The following ROBO3 variants were observed in gnomAD, a reference collection of about 807,000 sequenced individuals.
The protein encoded by ROBO3 is roundabout homolog 3.
ROBO3 carries 97 observed loss-of-function variants against 160.5 expected under a neutral mutation model. The ratio of observed to expected loss-of-function variants is 0.60; its 90% CI spans 0.51 to 0.72. The LOEUF is 0.72. ROBO3 is among the 30% of genes least tolerant of loss of function. ROBO3 has a pLI of 0.00. For missense variants in ROBO3, 1,858 were observed against 1,846.5 expected, an observed-to-expected ratio of 1.01 and a Z score of -0.11; for synonymous variants, 780 against 746.2, an observed-to-expected ratio of 1.05 and a Z score of -0.74.
intron 12 of ROBO3, among the ~76,000 whole-genome samples, chr11:124,874,522 G>T (rs558494512): frequency 1.3e-5 from 2 of 152,276 alleles, no homozygotes; most frequent in South Asian, 4.1e-4. Context: ...TAATAATATA[G>T]ATTATTAAGA....
rs555231962 is a variant in ROBO3 at position 124,876,043 on chromosome 11, C to G, written c.2511C>G (p.Pro837=). ...CCGCAATGCTCCGAGGACTGGTGCC[C>G]GGTCTCCTCTATCGAACCCTGGTCG... ...ARSAMLRGLV[P]GLLYRTLVAA... is the part of the protein sequence containing the mutation. Residue 837 remains proline, a synonymous_variant, in exon 16 of 28, where the codon CCC becomes CCG. Transcript: ENST00000397801. The surrounding 1 kb of genome is among the most constrained non-coding windows in gnomAD (Gnocchi z 5.3). 137 of 1,607,956 alleles carry G rather than the reference C, an allele frequency of 8.5e-5. No homozygotes were observed. In the South Asian group the frequency reaches 1.2e-3, roughly 14 times the overall value.
In ROBO3 at chr11:124,876,411, C is replaced by G; in HGVS notation, c.2730C>G (p.Ala910=). 6.9e-7 allele frequency: 1 copy of G among 1,451,132 alleles called. No homozygotes were observed. The highest frequency in any genetic ancestry group is 9.0e-7 in the Non-Finnish European group (1 of 1,108,228). 89.9% of individuals were successfully genotyped at this position (1,451,132 alleles called of 1,614,324 possible). A position where few individuals can be genotyped will look rare whatever the true frequency, so the allele number is the denominator to read the frequency against. ...ACGALLLGLC[A]ALYWRRKQRK... is the part of the protein sequence containing the mutation. ...GGGCGCTGCTTCTCGGGCTCTGCGC[C>G]GCCCTCTACTGGCGCCGGAAACAGC... The change falls in exon 17 of 28, where the codon GCC becomes GCG. Residue 910 remains alanine, a synonymous_variant. Coordinates refer to ENST00000397801, the MANE Select transcript of ROBO3 (RefSeq NM_022370.4). The surrounding 1 kb of genome is among the most constrained non-coding windows in gnomAD (Gnocchi z 5.3).
At position 124,869,288 on chromosome 11, in the gene ROBO3, A is replaced by G. The variant is rs147546558; in HGVS notation, c.487+160A>G. ...GATCTCTAATGGCCACACCACGGCC[A>G]GAGAAGGAAGTGGATCTGACTCCAG... On this transcript the variant is annotated intron_variant, in intron 2 of 27. Transcript: ENST00000397801. The surrounding 1 kb of genome is among the most constrained non-coding windows in gnomAD (Gnocchi z 4.2). Among the ~76,000 whole-genome samples the G allele has an allele frequency of 6.7e-3, 1,024 of 152,344 alleles. 7 individuals are homozygous for G. Among genetic ancestry groups the G allele is most frequent in the African/African-American group, 0.021 (880 of 41,580 alleles).
chr11:124,878,766 C>A lies in ROBO3; in HGVS notation c.3503C>A (p.Thr1168Asn), dbSNP rs775344429. ...PSPPDPPQPP[T>N]DMPHLHQMPR... ...CCTCCTGACCCTCCCCAGCCCCCAA[C>A]TGACATGCCCCATCTCCATCAGATG... Residue 1168 changes from threonine to asparagine, a missense_variant, in exon 23 of 28, where the codon ACT becomes AAT. Transcript: ENST00000397801. The surrounding 1 kb of genome is among the most constrained non-coding windows in gnomAD (Gnocchi z 4.3). 1.2e-6 allele frequency: 2 copies of A among 1,613,618 alleles called. No individual in the cohort carries two copies. Among genetic ancestry groups the A allele is most frequent in the Non-Finnish European group, 1.7e-6 (2 of 1,179,838 alleles).
At chr11:124,875,733 A>G (rs373408563) in intron 15 of ROBO3, 48 bp downstream of exon 15, 8 of 1,563,730 alleles carry the variant, frequency 5.1e-6, no homozygotes, top group East Asian at 2.3e-5. Flanking sequence ...GCCGGGAGGG[A>G]GAGGGAGGAC....
chr11:124,866,208 G>T (rs563412837), intron 1 of ROBO3, among the ~76,000 whole-genome samples: 1 of 152,324 alleles, frequency 6.6e-6, no homozygotes, highest in Non-Finnish European at 1.5e-5. Context: ...CAAAATGCTG[G>T]ATGTGTTTGC....
rs904373668 is a variant in ROBO3, at chr11:124,871,473, T to G, written c.1158+335T>G. ...TCTCCTCCTTTAGACCCCTTGGGCT[T>G]TGGCTTTGGACATAACACACTGCTC... On this transcript the variant is annotated intron_variant, in intron 7 of 27. Coordinates refer to ENST00000397801, the MANE Select transcript of ROBO3 (RefSeq NM_022370.4). 2.0e-5 allele frequency among the ~76,000 whole-genome samples: 3 copies of G among 152,174 alleles called. No homozygotes were observed. In the East Asian group the frequency reaches 5.8e-4, roughly 29 times the overall value.
Position 124,874,178 on chromosome 11 carries a change from A to G in ROBO3, c.1893A>G (p.Ala631=). The G allele has an allele frequency of 1.2e-6, 2 of 1,613,964 alleles. No homozygotes were observed. Among genetic ancestry groups the G allele is most frequent in the Middle Eastern group, 3.3e-4 (2 of 6,062 alleles). ...PNTIYLFLVR[A]VGAWGLSEPS... ...CCATCTACCTGTTTCTGGTTCGAGC[A>G]GTGGGAGCCTGGGGCCTCAGTGAGC... Residue 631 remains alanine (A), a synonymous_variant, in exon 12 of 28, where the codon GCA becomes GCG. Coordinates refer to ENST00000397801, the MANE Select transcript of ROBO3 (RefSeq NM_022370.4).
intron 4 of ROBO3, 23 bp from the exon 5 acceptor site, chr11:124,870,142 G>C: frequency 6.2e-7 from 1 of 1,614,038 alleles, no homozygotes; most frequent in Non-Finnish European, 8.5e-7. Context: ...CACCCTGACT[G>C]TTCACTCACT....
chr11:124,881,118 T>C, intron 27 of ROBO3, 121 bp from the exon 28 acceptor site: 1 of 907,492 alleles, frequency 1.1e-6, no homozygotes, highest in Middle Eastern at 2.4e-4. Context: ...TGACACATAA[T>C]AGAGGAGCCT....
Position 124,869,180 on chromosome 11 carries a change from G to T in ROBO3, c.487+52G>T. On this transcript the variant is annotated intron_variant, in intron 2 of 27. Coordinates refer to ENST00000397801, the MANE Select transcript of ROBO3 (RefSeq NM_022370.4). This position sits in a 1 kb window ranked among gnomAD's most constrained non-coding sequence, Gnocchi z 4.2. ...TTGCTTCCAGAGCCTGGGGTAGGCG[G>T]GAGGGCACTGGGCAATCAGACCCAG... is the stretch of plus-strand genomic sequence containing the variant. The T allele has an allele frequency of 6.8e-7, 1 of 1,479,296 alleles. No individual in the cohort carries two copies. The highest frequency in any genetic ancestry group is 1.4e-5 in the South Asian group (1 of 73,416). The allele number at this position is 1,479,296 out of a possible 1,614,324, so 91.6% of individuals were successfully genotyped here. A position where few individuals can be genotyped will look rare whatever the true frequency, so the allele number is the denominator to read the frequency against.
chr11:124,879,049 T>C, intron 23 of ROBO3, 141 bp from the exon 24 acceptor site: 1 of 1,013,872 alleles, frequency 9.9e-7, no homozygotes, highest in Non-Finnish European at 1.4e-6. Flanking sequence ...TCCTTATGCT[T>C]CTCTAGCTTG....
chr11:124,866,337 G>C (rs1031292603), intron 1 of ROBO3, among the ~76,000 whole-genome samples: 5 of 152,208 alleles, frequency 3.3e-5, no homozygotes, highest in African/African-American at 9.6e-5. Flanking sequence ...AGCTGGCGGC[G>C]AGGTCGTTAC....
In ROBO3 at chr11:124,872,031, C is replaced by T. The variant is rs914717735; in HGVS notation, c.1159-350C>T. ...AGCAGGAAGAAGAGGAATGTGTTTA[C>T]CACAACGTGTTAGAAGACTTTCATA... is the stretch of plus-strand genomic sequence containing the variant. On this transcript the variant is annotated intron_variant, in intron 7 of 27. Coordinates refer to ENST00000397801, the MANE Select transcript of ROBO3 (RefSeq NM_022370.4). This position sits in a 1 kb window ranked among gnomAD's most constrained non-coding sequence, Gnocchi z 4.3. Among the ~76,000 whole-genome samples the T allele has an allele frequency of 6.6e-6, 1 of 152,122 alleles. No homozygotes were observed. Among genetic ancestry groups the T allele is most frequent in the Non-Finnish European group, 1.5e-5 (1 of 68,036 alleles).
At chr11:124,875,474 T>TTAA in intron 14 of ROBO3, 90 bp from the exon 15 acceptor site, 1 of 1,585,566 alleles carries the variant, frequency 6.3e-7, no homozygotes, top group African/African-American at 1.4e-5. Context: ...TTCCCTAAGA[T>TTAA]GTTAGAACAG....
In ROBO3 at chr11:124,880,553, GGAGTCGGAGTCAGAGCCGGAGCCA is replaced by G. The variant is rs1657781869; in HGVS notation, c.4098_4121del (p.Arg1367_Ser1374del). On this transcript the variant is annotated inframe_deletion, in exon 27 of 28. Transcript: ENST00000397801. Reference sequence around the variant, plus strand: ...GGCTCCCGGGGCCCTGGCCGGAGCCGGAGTCGGAGTCAGAGCCGGAGCCAGAGCCAAAGGCCAGGACAGAAACGC... The same window carrying G: ...GGCTCCCGGGGCCCTGGCCGGAGCCGGAGCCAAAGGCCAGGACAGAAACGC... 1 of 800,562 alleles carries G rather than the reference GGAGTCGGAGTCAGAGCCGGAGCCA, an allele frequency of 1.2e-6. No homozygotes were observed. The highest frequency in any genetic ancestry group is 1.6e-6 in the Non-Finnish European group (1 of 636,342). The allele number at this position is 800,562 out of a possible 1,614,324, so 49.6% of individuals were successfully genotyped here. A position where few individuals can be genotyped will look rare whatever the true frequency, so the allele number is the denominator to read the frequency against.
In ROBO3 at chr11:124,877,501, T is replaced by A. The variant is rs770210580; in HGVS notation, c.2847-18T>A. 1 of 1,600,092 alleles carries A rather than the reference T, an allele frequency of 6.2e-7. No homozygotes were observed. Among genetic ancestry groups the A allele is most frequent in the South Asian group, 1.1e-5 (1 of 88,966 alleles). ...TCTTCAGGCTCTCCGTCCCCAACGC[T>A]CACCTGCTCTCCCTCAGGCCACCCA... is the stretch of plus-strand genomic sequence containing the variant. On this transcript the variant is annotated intron_variant, in intron 19 of 27. Coordinates refer to ENST00000397801, the MANE Select transcript of ROBO3 (RefSeq NM_022370.4).
intron 1 of ROBO3, chr11:124,868,598 T>A: frequency 1.5e-6 from 1 of 688,802 alleles, no homozygotes; most frequent in South Asian, 1.6e-5. Context: ...TCTGTAGGCA[T>A]CTTCCTTTGA....
In ROBO3 at chr11:124,872,990, A is replaced by G. The variant is rs1196718194; in HGVS notation, c.1437A>G (p.Gln479=). The change falls in exon 9 of 28, where the codon CAA becomes CAG. Residue 479 remains glutamine (Q), a synonymous_variant. Coordinates refer to ENST00000397801, the MANE Select transcript of ROBO3 (RefSeq NM_022370.4). This position sits in a 1 kb window ranked among gnomAD's most constrained non-coding sequence, Gnocchi z 4.3. ...WLPCRVTGNP[Q]PSVRWKKDGQ... ...CCTGCAGAGTGACTGGGAACCCTCA[A>G]CCCAGTGTCCGATGGAAGAAGGATG... 1 of 1,613,620 alleles carries G rather than the reference A, an allele frequency of 6.2e-7. No homozygotes were observed. Among genetic ancestry groups the G allele is most frequent in the Non-Finnish European group, 8.5e-7 (1 of 1,179,822 alleles).
Sources: gnomAD v4.1 joint callset for allele counts (sites outside exome capture counted in the v4.1 genomes callset) on GRCh38, gnomAD v4.1.1 for gene constraint, Gnocchi (gnomAD v3.1) non-coding constraint, MANE v1.5 for transcripts, NCBI Gene and HGNC (gene_info 2026-07-23, HGNC 2026-07-21) for gene names.